Variants in RSU1 observed in about 807,000 individuals in gnomAD.
RSU1 encodes the protein Ras suppressor protein 1.
A neutral mutation model predicts 31.1 loss-of-function variants in RSU1; 26 were observed. The ratio of observed to expected loss-of-function variants is 0.84; its 90% CI spans 0.61 to 1.16. The LOEUF is 1.16. RSU1 is among the 50% of genes most tolerant of loss of function. RSU1 has a pLI of 0.00. For missense variants in RSU1, 320 were observed against 339.1 expected (o/e 0.94, Z 0.44); for synonymous variants, 164 against 136.3 (o/e 1.20, Z -1.41).
At chr10:16,670,646 C>T (rs917281872) in intron 8 of RSU1, among the ~76,000 whole-genome samples, 16 of 152,222 alleles carry the variant, frequency 1.1e-4, no homozygotes, top group African/African-American at 3.9e-4. Flanking sequence ...ACTTAAGGGT[C>T]TCCCAAAACC....
chr10:16,770,815 G>A (rs1359062373), intron 3 of RSU1, among the ~76,000 whole-genome samples: 1 of 152,228 alleles, frequency 6.6e-6, no homozygotes, highest in Non-Finnish European at 1.5e-5. Context: ...TGGAGGCAAC[G>A]CTACTGTCTC....
intron 8 of RSU1, among the ~76,000 whole-genome samples, chr10:16,694,175 C>A (rs1361835488): frequency 3.9e-5 from 6 of 152,126 alleles, no homozygotes; most frequent in Admixed American, 3.9e-4. Context: ...GACAGTTTTG[C>A]ATAGACTCCT....
At chr10:16,666,993 C>T (rs1462050539) in intron 8 of RSU1, among the ~76,000 whole-genome samples, 3 of 149,846 alleles carry the variant, frequency 2.0e-5, no homozygotes, top group Admixed American at 6.6e-5. Flanking sequence ...AGTGAGACTC[C>T]GCATCAAAAA....
chr10:16,713,181 CAG>C (rs1245955024), intron 7 of RSU1, among the ~76,000 whole-genome samples: 1 of 152,168 alleles, frequency 6.6e-6, no homozygotes, highest in East Asian at 1.9e-4. Context: ...TAATGTGCCT[CAG>C]AGAGGACTGA....
At chr10:16,727,353 A>ATG in intron 7 of RSU1, among the ~76,000 whole-genome samples, 1 of 152,350 alleles carries the variant, frequency 6.6e-6, no homozygotes, top group East Asian at 1.9e-4. Flanking sequence ...CTTTTCTGAG[A>ATG]TAAATACGTG....
chr10:16,620,482 A>G (rs895582019), intron 8 of RSU1, among the ~76,000 whole-genome samples: 1 of 151,794 alleles, frequency 6.6e-6, no homozygotes, highest in Non-Finnish European at 1.5e-5. Flanking sequence ...ATGTGGCCTC[A>G]GCAGGTCTCA....
intron 7 of RSU1, among the ~76,000 whole-genome samples, chr10:16,708,999 T>C (rs1322571192): frequency 2.3e-5 from 3 of 132,220 alleles, no homozygotes; most frequent in South Asian, 2.3e-4. Context: ...AGTCCTTTGG[T>C]TTTTTTTTTT....
chr10:16,633,283 C>T (rs1398923452), intron 8 of RSU1, among the ~76,000 whole-genome samples: 3 of 152,050 alleles, frequency 2.0e-5, no homozygotes, highest in African/African-American at 7.2e-5. Flanking sequence ...TTTTGGGTAG[C>T]TATGGAGAGC....
intron 7 of RSU1, among the ~76,000 whole-genome samples, chr10:16,725,709 A>C (rs1046373803): frequency 3.3e-5 from 5 of 151,258 alleles, no homozygotes; most frequent in African/African-American, 1.2e-4. Context: ...CAGAAAACTG[A>C]ATCTGTCCGC....
chr10:16,617,874 A>G (rs1257239379), intron 8 of RSU1, among the ~76,000 whole-genome samples: 1 of 152,232 alleles, frequency 6.6e-6, no homozygotes, highest in Non-Finnish European at 1.5e-5. Context: ...CAAAACCATA[A>G]AATCCCTAGA....
rs575215396 is a variant in RSU1, at chr10:16,706,545, C to T, written c.599-11390G>A. Among the ~76,000 whole-genome samples the T allele has an allele frequency of 7.2e-5, 11 of 152,056 alleles. No individual in the cohort carries two copies. In the South Asian group the frequency reaches 8.3e-4, roughly 12 times the overall value. ...AATTTACAAATATTTTCTCTCATTCCGTGGGTGGTCTTTTTAGAAAAAATA... is the reference window on the plus strand; with the variant it reads ...AATTTACAAATATTTTCTCTCATTCTGTGGGTGGTCTTTTTAGAAAAAATA... On this transcript the variant is annotated intron_variant, in intron 7 of 8. Coordinates refer to ENST00000345264, the MANE Select transcript of RSU1 (RefSeq NM_012425.4).
chr10:16,601,988 G>C (rs1406982901), intron 8 of RSU1, among the ~76,000 whole-genome samples: 1 of 152,114 alleles, frequency 6.6e-6, no homozygotes, highest in Non-Finnish European at 1.5e-5. Context: ...TGAAAAAATG[G>C]CTCACTCAAT....
intron 2 of RSU1, among the ~76,000 whole-genome samples, chr10:16,803,637 A>T (rs1469910847): frequency 2.0e-5 from 3 of 152,216 alleles, no homozygotes; most frequent in Non-Finnish European, 2.9e-5. Context: ...ATAGACAAGT[A>T]GGTCACTGGA....
chr10:16,794,105 C>A (rs530331542), intron 2 of RSU1, among the ~76,000 whole-genome samples: 17 of 152,244 alleles, frequency 1.1e-4, no homozygotes, highest in African/African-American at 4.1e-4. Context: ...CTGGGACTTG[C>A]ATCACTGACA....
At chr10:16,623,770 T>A (rs1466544286) in intron 8 of RSU1, among the ~76,000 whole-genome samples, 1 of 152,222 alleles carries the variant, frequency 6.6e-6, no homozygotes, top group Non-Finnish European at 1.5e-5. Flanking sequence ...TCTCTAATGA[T>A]TAGTGCTGTC....
At chr10:16,625,516 C>T (rs139970329) in intron 8 of RSU1, among the ~76,000 whole-genome samples, 9 of 152,300 alleles carry the variant, frequency 5.9e-5, no homozygotes, top group Admixed American at 1.3e-4. Flanking sequence ...ACCCACGACA[C>T]GTTTCCAACT....
chr10:16,733,691 G>A (rs981176730), intron 7 of RSU1, among the ~76,000 whole-genome samples: 1 of 152,124 alleles, frequency 6.6e-6, no homozygotes, highest in African/African-American at 2.4e-5. Flanking sequence ...GAAAGAAGTA[G>A]GTGAACAGCT....
At chr10:16,777,512 T>C (rs182431804) in intron 3 of RSU1, among the ~76,000 whole-genome samples, 14 of 152,288 alleles carry the variant, frequency 9.2e-5, no homozygotes, top group African/African-American at 2.9e-4. Flanking sequence ...AATAGCAACA[T>C]GCCCTGTGGT....
intron 3 of RSU1, among the ~76,000 whole-genome samples, chr10:16,772,272 CCAAA>C (rs1293069935): frequency 2.0e-5 from 3 of 152,220 alleles, no homozygotes; most frequent in African/African-American, 2.4e-5. Flanking sequence ...GTATGCATAA[CCAAA>C]CAAATTTCCT....
Sources: allele counts gnomAD v4.1 joint callset (sites outside exome capture counted in the v4.1 genomes callset), GRCh38; gene constraint gnomAD v4.1.1; transcripts MANE v1.5; gene names NCBI Gene and HGNC (gene_info 2026-07-23, HGNC 2026-07-21).